The following APC variants were observed in gnomAD, a reference collection of about 807,000 sequenced individuals.
APC encodes APC regulator of Wnt signaling pathway, also known as adenomatous polyposis coli protein.
In APC, 72 loss-of-function variants were observed where a neutral mutation model predicts 247.0. The ratio of observed to expected loss-of-function variants is 0.29; its 90% CI spans 0.24 to 0.35. APC has a LOEUF of 0.35. APC is among the 10% of genes least tolerant of loss of function. The probability of loss-of-function intolerance (pLI) is 1.00; values close to 1 mark genes in which losing one functional copy is unlikely to be tolerated. For synonymous variants in APC, 1,254 were observed against 1,162.5 expected (o/e 1.08, Z -1.60); for missense variants, 3,400 against 3,360.7 (o/e 1.01, Z -0.29).
rs200950003 is a variant in APC at position 112,768,363 on chromosome 5, C to CA, written c.422+986dup. ...CTTGGCCAAGACTCTGTCTCTTTAC[C>CA]AAAAAAAAAAAAAGAAAAAAAGTAG... On this transcript the variant is annotated intron_variant, in intron 4 of 15. Coordinates refer to ENST00000257430, the MANE Select transcript of APC (RefSeq NM_000038.6). Among the ~76,000 whole-genome samples the CA allele has an allele frequency of 7.8e-3, 878 of 113,066 alleles. 3 individuals carry two copies. The highest frequency in any genetic ancestry group is 0.015 in the Middle Eastern group (3 of 206). The allele number at this position is 113,066 out of a possible 152,430, so 74.2% of individuals were successfully genotyped here.
intron 15 of APC, among the ~76,000 whole-genome samples, 183 bp downstream of exon 15, chr5:112,835,348 A>G (rs1238807545): frequency 6.6e-6 from 1 of 152,222 alleles, no homozygotes; most frequent in African/African-American, 2.4e-5. Flanking sequence ...AACAGTTTAT[A>G]GTATTATAGA....
chr5:112,795,885 G>GA (rs1166940512), intron 7 of APC, among the ~76,000 whole-genome samples: 1 of 152,162 alleles, frequency 6.6e-6, no homozygotes, highest in Admixed American at 6.6e-5. Context: ...TGAAACTACA[G>GA]AGTAAAGATG....
At chr5:112,757,644 T>C (rs1406185918) in intron 2 of APC, among the ~76,000 whole-genome samples, 1 of 152,004 alleles carries the variant, frequency 6.6e-6, no homozygotes, top group African/African-American at 2.4e-5. Context: ...GGTGGGAAGA[T>C]TGTACTCCAG....
At chr5:112,737,961 G>C (rs1383761328) in intron 1 of APC, 36 bp downstream of exon 1, 2 of 981,612 alleles carry the variant, frequency 2.0e-6, no homozygotes, top group Non-Finnish European at 2.4e-6. Context: ...GGCTTGCTGC[G>C]GGGGGAGGGG....
rs2149874828 is a variant in APC at position 112,838,259 on chromosome 5, A to G, written c.2665A>G (p.Lys889Glu). Residue 889 changes from lysine (K) to glutamate (E), a missense_variant, in exon 16 of 16, where the codon AAA (lysine) becomes GAA (glutamate). Physicochemically the swap from Lys to Glu is moderately conservative, Grantham distance 56. Around this residue, in one of 9 missense-constraint regions of APC, gnomAD observed 715 missense variants for 656.6 expected, o/e 1.09. Transcript: ENST00000257430. ...QISTTAAQIA[K>E]VMEEVSAIHT... ...CTCCACCACTGCAGCCCAGATTGCCAAAGTCATGGAAGAAGTGTCAGCCAT... is the reference window on the plus strand; with the variant it reads ...CTCCACCACTGCAGCCCAGATTGCCGAAGTCATGGAAGAAGTGTCAGCCAT... 1 of 1,614,228 alleles carries G rather than the reference A, an allele frequency of 6.2e-7. No individual in the cohort carries two copies. Among genetic ancestry groups the G allele is most frequent in the South Asian group, 1.1e-5 (1 of 91,090 alleles).
chr5:112,835,605 C>G (rs1580607655), intron 15 of APC, among the ~76,000 whole-genome samples: 1 of 146,550 alleles, frequency 6.8e-6, no homozygotes, highest in African/African-American at 2.5e-5. Context: ...CAGGGTCTCA[C>G]TCTGTCTCCC....
Position 112,801,349 on chromosome 5 carries a change from G to A in APC, c.800G>A (p.Gly267Glu), listed in dbSNP as rs747759906. The A allele has an allele frequency of 2.5e-6, 4 of 1,612,490 alleles. No homozygotes were observed. In the East Asian group the frequency reaches 6.7e-5, roughly 27 times the overall value. Residue 267 changes from glycine to glutamate, a missense_variant, in exon 8 of 16, where the codon GGA becomes GAA. Around this residue, in one of 9 missense-constraint regions of APC, gnomAD observed 372 missense variants for 367.6 expected, o/e 1.01. Transcript: ENST00000257430. ...AERQNEGQGVGEINMATSGNG... is the reference protein window; with the variant it reads ...AERQNEGQGVEEINMATSGNG... ...CGGCAGAATGAAGGTCAAGGAGTGGGAGAAATCAACATGGCAACTTCTGGT... is the reference window on the plus strand; with the variant it reads ...CGGCAGAATGAAGGTCAAGGAGTGGAAGAAATCAACATGGCAACTTCTGGT...
chr5:112,834,453 G>A (rs533827655), intron 14 of APC, among the ~76,000 whole-genome samples: 7 of 149,224 alleles, frequency 4.7e-5, no homozygotes, highest in African/African-American at 1.7e-4. Flanking sequence ...CCACATTGGC[G>A]AGGCTGGTCT....
At chr5:112,803,797 T>G (rs11952365) in intron 8 of APC, among the ~76,000 whole-genome samples, 4,226 of 152,298 alleles carry the variant, frequency 0.028, 191 homozygotes, top group African/African-American at 0.097. Flanking sequence ...ACATCTCTAT[T>G]TATGTAAAGA....
chr5:112,792,354 C>G, intron 6 of APC, 92 bp from the exon 7 acceptor site: 1 of 825,352 alleles, frequency 1.2e-6, no homozygotes, highest in Non-Finnish European at 1.9e-6. Context: ...TTTGACATAA[C>G]CCTGAGCTTT....
At position 112,707,791 on chromosome 5, in the gene APC, G is replaced by A. The variant is rs1554060285; in HGVS notation, c.74G>A (p.Trp25Ter). ...GTACCACCCTCAGTTCTCGGGTCCT[G>A]GAGCACCGGCGGCAGCAGGAGCTGC... The change falls in exon 1 of 14, where the codon TGG becomes TAG. Residue 25 changes from tryptophan to a stop codon, truncating the protein, a stop_gained. Transcript: ENST00000507379. LOFTEE classifies it high-confidence loss of function. 7 of 1,370,662 alleles carry A rather than the reference G, an allele frequency of 5.1e-6. No individual in the cohort carries two copies. The highest frequency in any genetic ancestry group is 6.7e-6 in the Non-Finnish European group (7 of 1,038,798). The allele number at this position is 1,370,662 out of a possible 1,614,324, so 84.9% of individuals were successfully genotyped here. A position where few individuals can be genotyped will look rare whatever the true frequency, so the allele number is the denominator to read the frequency against.
At chr5:112,798,681 G>A in intron 7 of APC, among the ~76,000 whole-genome samples, 1 of 152,144 alleles carries the variant, frequency 6.6e-6, no homozygotes, top group East Asian at 1.9e-4. Context: ...CACTTCTTTT[G>A]TCTTCAGTGT....
intron 13 of APC, 89 bp downstream of exon 13, chr5:112,828,095 G>A: frequency 9.2e-7 from 1 of 1,085,958 alleles, no homozygotes; most frequent in Non-Finnish European, 1.4e-6. Flanking sequence ...GAGGGCAGTT[G>A]TGCAATCTCA....
At chr5:112,757,599 C>T (rs1343691795) in intron 2 of APC, among the ~76,000 whole-genome samples, 3 of 151,920 alleles carry the variant, frequency 2.0e-5, no homozygotes, top group South Asian at 2.1e-4. Flanking sequence ...CCAGGTGTGG[C>T]GTATATCTGT....
intron 8 of APC, among the ~76,000 whole-genome samples, chr5:112,813,413 A>G (rs1340035691): frequency 1.3e-5 from 2 of 152,180 alleles, no homozygotes; most frequent in African/African-American, 4.8e-5. Flanking sequence ...TACCTATTTA[A>G]GGACTTTATG....
chr5:112,731,572 G>T (rs1752101510), intron 1 of APC, among the ~76,000 whole-genome samples: 1 of 152,116 alleles, frequency 6.6e-6, no homozygotes, highest in Admixed American at 6.5e-5. Flanking sequence ...TTGCATTGGG[G>T]ATTAAATTTC....
intron 6 of APC, among the ~76,000 whole-genome samples, chr5:112,781,500 A>G (rs1270090204): frequency 5.9e-5 from 9 of 152,202 alleles, no homozygotes; most frequent in Admixed American, 2.0e-4. Context: ...GGCCTTGCCA[A>G]TTGCCTTATC....
intron 2 of APC, among the ~76,000 whole-genome samples, chr5:112,755,801 G>A (rs573398866): frequency 6.6e-6 from 1 of 152,060 alleles, no homozygotes; most frequent in African/African-American, 2.4e-5. Flanking sequence ...TCATAGAATT[G>A]GACATTATCA....
chr5:112,710,892 C>G (rs778945961), intron 1 of APC, among the ~76,000 whole-genome samples: 11 of 152,226 alleles, frequency 7.2e-5, no homozygotes, highest in Non-Finnish European at 1.2e-4. Context: ...AATGTCCATC[C>G]AAGTGTTTGG....
Sources: gnomAD v4.1 joint callset for allele counts (sites outside exome capture counted in the v4.1 genomes callset) on GRCh38, gnomAD v4.1.1 for gene constraint, gnomAD v4.1.1 regional missense constraint, MANE v1.5 for transcripts, NCBI Gene and HGNC (gene_info 2026-07-23, HGNC 2026-07-21) for gene names.